The following PEBP4 variants were observed in gnomAD, a reference collection of about 807,000 sequenced individuals.
The protein encoded by PEBP4 is phosphatidylethanolamine binding protein 4.
PEBP4 carries 22 observed loss-of-function variants against 23.9 expected under a neutral mutation model. That is an observed-to-expected ratio of 0.92 (90% confidence interval 0.66 to 1.31). The LOEUF (loss-of-function observed/expected upper bound fraction) is 1.31, where lower values mean the gene tolerates loss of function less well. PEBP4 is among the 40% of genes most tolerant of loss of function. PEBP4 has a pLI of 0.00. For synonymous variants in PEBP4, 112 were observed against 99.3 expected, an observed-to-expected ratio of 1.13 and a Z score of -0.76; for missense variants, 324 against 281.7, an observed-to-expected ratio of 1.15 and a Z score of -1.07.
intron 3 of PEBP4, among the ~76,000 whole-genome samples, chr8:22,863,440 C>T (rs1373049267): frequency 6.6e-6 from 1 of 152,144 alleles, no homozygotes; most frequent in Admixed American, 6.5e-5. Flanking sequence ...TCTGAAACCT[C>T]AGTCATAGAT....
intron 4 of PEBP4, among the ~76,000 whole-genome samples, chr8:22,740,185 C>T (rs1328376725): frequency 6.6e-6 from 1 of 152,174 alleles, no homozygotes; most frequent in African/African-American, 2.4e-5. Context: ...GAAAAAGAGA[C>T]AGAGGGACTC....
intron 3 of PEBP4, among the ~76,000 whole-genome samples, chr8:22,832,534 C>T (rs1400214376): frequency 6.6e-6 from 1 of 152,130 alleles, no homozygotes; most frequent in Non-Finnish European, 1.5e-5. Context: ...AGCAACCTGA[C>T]CTAAGATGTT....
chr8:22,869,442 C>G (rs552945720), intron 3 of PEBP4, among the ~76,000 whole-genome samples: 1 of 152,260 alleles, frequency 6.6e-6, no homozygotes, highest in Non-Finnish European at 1.5e-5. Context: ...GTGCCGGGCA[C>G]AGTGCAAGTG....
At chr8:22,735,230 A>G (rs887832736) in intron 4 of PEBP4, among the ~76,000 whole-genome samples, 1 of 152,220 alleles carries the variant, frequency 6.6e-6, no homozygotes, top group Non-Finnish European at 1.5e-5. Context: ...GGCTTAAATA[A>G]TTGAGGCCTA....
intron 3 of PEBP4, among the ~76,000 whole-genome samples, chr8:22,898,437 C>CCAGTCTAT (rs1808641385): frequency 7.3e-6 from 1 of 136,664 alleles, no homozygotes; most frequent in Non-Finnish European, 1.6e-5. Context: ...AAAAACCCAC[C>CCAGTCTAT]CAGTCTATGG....
rs553330780 is a variant in PEBP4 at position 22,791,863 on chromosome 8, C to T, written c.357+25774G>A. On this transcript the variant is annotated intron_variant, in intron 4 of 6. Transcript: ENST00000256404. The stretch of plus-strand genomic sequence containing the variant: ...GGCTAACATTTAAAAGCACTGGATT[C>T]TTTTTTTTTTTTAGACAGGGTCTCA... Among the ~76,000 whole-genome samples the T allele has an allele frequency of 5.4e-5, 8 of 148,204 alleles. No individual in the cohort carries two copies. In the South Asian group the frequency reaches 1.7e-3, roughly 32 times the overall value.
At chr8:22,768,541 G>A (rs990882926) in intron 4 of PEBP4, among the ~76,000 whole-genome samples, 23 of 152,174 alleles carry the variant, frequency 1.5e-4, no homozygotes, top group African/African-American at 3.6e-4. Flanking sequence ...CCTCCGGTGC[G>A]GAGCTCATTT....
At chr8:22,887,400 C>T (rs1313975583) in intron 3 of PEBP4, among the ~76,000 whole-genome samples, 4 of 151,986 alleles carry the variant, frequency 2.6e-5, no homozygotes, top group East Asian at 3.9e-4. Flanking sequence ...CTGCCCACCT[C>T]GGCCTCCCAA....
intron 3 of PEBP4, among the ~76,000 whole-genome samples, chr8:22,842,541 G>C (rs1807350446): frequency 6.6e-6 from 1 of 152,196 alleles, no homozygotes; most frequent in African/African-American, 2.4e-5. Flanking sequence ...TGTCATCAGG[G>C]AGAACCTTAA....
chr8:22,725,499 G>A (rs562292823), intron 5 of PEBP4, among the ~76,000 whole-genome samples: 1 of 152,048 alleles, frequency 6.6e-6, no homozygotes, highest in Admixed American at 6.5e-5. Flanking sequence ...GGTGCTCGGG[G>A]CATCAGGGAG....
chr8:22,728,796 C>G (rs900471550), intron 4 of PEBP4, among the ~76,000 whole-genome samples: 119 of 152,228 alleles, frequency 7.8e-4, no homozygotes, highest in African/African-American at 2.8e-3. Context: ...TGGGGTTTTA[C>G]TATGTTGGTC....
chr8:22,797,978 G>A (rs1453920002), intron 4 of PEBP4, among the ~76,000 whole-genome samples: 2 of 152,088 alleles, frequency 1.3e-5, no homozygotes, highest in African/African-American at 4.8e-5. Context: ...GGGAAACTAG[G>A]GCAAGTGCTC....
chr8:22,774,177 T>C (rs1805770803), intron 4 of PEBP4, among the ~76,000 whole-genome samples: 1 of 152,226 alleles, frequency 6.6e-6, no homozygotes, highest in South Asian at 2.1e-4. Flanking sequence ...GATCTGCCTC[T>C]TGCTGCTCCT....
intron 4 of PEBP4, among the ~76,000 whole-genome samples, chr8:22,785,606 G>C (rs1289582942): frequency 6.6e-6 from 1 of 152,142 alleles, no homozygotes; most frequent in Non-Finnish European, 1.5e-5. Flanking sequence ...AGGGAGGCAG[G>C]GGTGATCCAG....
At chr8:22,896,927 ATATT>A (rs1808600205) in intron 3 of PEBP4, among the ~76,000 whole-genome samples, 2 of 150,296 alleles carry the variant, frequency 1.3e-5, no homozygotes, top group Non-Finnish European at 3.0e-5. Context: ...TATATATAAC[ATATT>A]TAGATATTAT....
chr8:22,923,647 T>C (rs1809258453), intron 2 of PEBP4, among the ~76,000 whole-genome samples: 1 of 152,136 alleles, frequency 6.6e-6, no homozygotes, highest in Admixed American at 6.5e-5. Context: ...GTGAGTGCTA[T>C]GGTCTGAGTG....
At chr8:22,778,743 CT>C (rs1183727834) in intron 4 of PEBP4, among the ~76,000 whole-genome samples, 2 of 152,200 alleles carry the variant, frequency 1.3e-5, no homozygotes, top group African/African-American at 4.8e-5. Context: ...TGTCTCGTGG[CT>C]GCTGGGCTCC....
At chr8:22,720,444 G>A (rs1363307245) in intron 6 of PEBP4, among the ~76,000 whole-genome samples, 1 of 152,232 alleles carries the variant, frequency 6.6e-6, no homozygotes, top group African/African-American at 2.4e-5. Context: ...GCAGATGTGA[G>A]CAAAGAAGTA....
intron 3 of PEBP4, chr8:22,896,188 G>A (rs1425867676): frequency 6.6e-6 from 1 of 152,250 alleles, no homozygotes; most frequent in Non-Finnish European, 1.5e-5. Context: ...ACAGGGAATG[G>A]AGCTTGGACA....
Sources: gnomAD v4.1 joint callset for allele counts (sites outside exome capture counted in the v4.1 genomes callset) on GRCh38, gnomAD v4.1.1 for gene constraint, MANE v1.5 for transcripts, NCBI Gene and HGNC (gene_info 2026-07-23, HGNC 2026-07-21) for gene names.